The following KDELR2 variants were observed in gnomAD, a reference collection of about 807,000 sequenced individuals.
KDELR2 encodes the protein ER lumen protein-retaining receptor 2.
KDELR2 carries 15 observed loss-of-function variants against 23.9 expected under a neutral mutation model. The observed-to-expected ratio is 0.63, with a 90% CI of 0.42 to 0.97. The LOEUF is 0.97. Ranked by LOEUF, KDELR2 falls within the 50% of genes least tolerant of loss-of-function variation. The pLI, the probability that KDELR2 is intolerant of heterozygous loss-of-function variation, is 0.00. For missense variants in KDELR2, 272 were observed against 254.6 expected, an observed-to-expected ratio of 1.07 and a Z score of -0.46; for synonymous variants, 119 against 106.2, an observed-to-expected ratio of 1.12 and a Z score of -0.74.
chr7:6,481,166 C>A (rs766256906), intron 1 of KDELR2, among the ~76,000 whole-genome samples: 1 of 152,054 alleles, frequency 6.6e-6, no homozygotes, highest in East Asian at 1.9e-4. Context: ...GTCAGGAGAC[C>A]GAGACCAGCC....
intron 1 of KDELR2, among the ~76,000 whole-genome samples, chr7:6,477,417 T>C (rs1409317064): frequency 6.6e-6 from 1 of 152,196 alleles, no homozygotes; most frequent in Non-Finnish European, 1.5e-5. Flanking sequence ...GGGAGTAGAA[T>C]ACCTGCTATT....
In KDELR2 at chr7:6,461,799, A is replaced by T. The variant is rs888012748; in HGVS notation, c.*1342T>A. The T allele has an allele frequency of 2.0e-5, 3 of 152,080 alleles. No individual in the cohort carries two copies. Among genetic ancestry groups the T allele is most frequent in the Non-Finnish European group, 4.4e-5 (3 of 68,034 alleles). The allele number at this position is 152,080 out of a possible 1,614,324, so 9.4% of individuals were successfully genotyped here. A position where few individuals can be genotyped will look rare whatever the true frequency, so the allele number is the denominator to read the frequency against. On this transcript the variant is annotated 3_prime_UTR_variant, in exon 5 of 5. Transcript: ENST00000258739. The stretch of plus-strand genomic sequence containing the variant: ...TTTAATATTTATGGTGTATCACATA[A>T]AAAACAAAGTCATATACTTTTGCAT...
At chr7:6,482,874 G>A (rs1424429745) in intron 1 of KDELR2, among the ~76,000 whole-genome samples, 1 of 150,672 alleles carries the variant, frequency 6.6e-6, no homozygotes, top group East Asian at 1.9e-4. Flanking sequence ...GCATGGTGGT[G>A]CACGCATGGA....
chr7:6,482,549 C>A (rs778210734), intron 1 of KDELR2: 19 of 470,568 alleles, frequency 4.0e-5, no homozygotes, highest in African/African-American at 3.8e-4. Flanking sequence ...GTTTTGCTTA[C>A]TTCCCGGATC....
chr7:6,469,646 G>A lies in KDELR2; in HGVS notation c.301C>T (p.Pro101Ser), dbSNP rs1009810064. 3.1e-6 allele frequency: 5 copies of A among 1,613,922 alleles called. No homozygotes were observed. Among genetic ancestry groups the A allele is most frequent in the Non-Finnish European group, 4.2e-6 (5 of 1,179,962 alleles). Reference protein sequence around the residue: ...DTFRVEFLVVPVGGLSFLVNH... With the variant: ...DTFRVEFLVVSVGGLSFLVNH... Reference sequence around the variant, plus strand: ...ACTAAAAATGAGAGGCCTCCCACAGGGACCACCAGAAACTCCACTCGGAAG... The same window carrying A: ...ACTAAAAATGAGAGGCCTCCCACAGAGACCACCAGAAACTCCACTCGGAAG... Residue 101 changes from proline (P) to serine (S), a missense_variant, in exon 3 of 5, where the codon CCT becomes TCT. Pro to Ser is a moderately conservative substitution (Grantham distance 74). Transcript: ENST00000258739.
chr7:6,471,553 C>T (rs936221351), intron 2 of KDELR2, among the ~76,000 whole-genome samples: 6 of 152,142 alleles, frequency 3.9e-5, no homozygotes, highest in Non-Finnish European at 2.9e-5. Flanking sequence ...TTAACTCTTA[C>T]TCATGTCAAT....
At chr7:6,479,231 C>T (rs946787702) in intron 1 of KDELR2, among the ~76,000 whole-genome samples, 6 of 152,180 alleles carry the variant, frequency 3.9e-5, no homozygotes, top group Admixed American at 6.5e-5. Context: ...GATCACGGCT[C>T]GCTGCAACCT....
intron 3 of KDELR2, among the ~76,000 whole-genome samples, chr7:6,469,211 C>CA: frequency 6.6e-6 from 1 of 152,064 alleles, no homozygotes; most frequent in East Asian, 1.9e-4. Flanking sequence ...CTTGGCCTCC[C>CA]AAAGTGCTGG....
intron 1 of KDELR2, among the ~76,000 whole-genome samples, chr7:6,474,760 C>T (rs1785720439): frequency 6.6e-6 from 1 of 152,166 alleles, no homozygotes; most frequent in Non-Finnish European, 1.5e-5. Context: ...ACCTCCTGGG[C>T]TTCAGCAATC....
At chr7:6,470,522 T>C (rs1785608332) in intron 2 of KDELR2, 1 of 152,152 alleles carries the variant, frequency 6.6e-6, no homozygotes, top group South Asian at 2.1e-4. Flanking sequence ...GACCCTGAAA[T>C]GAAGTAAGTG....
chr7:6,482,151 C>T (rs2115336133), intron 1 of KDELR2, among the ~76,000 whole-genome samples: 1 of 152,232 alleles, frequency 6.6e-6, no homozygotes, highest in Middle Eastern at 3.4e-3. Flanking sequence ...TACAGGCATG[C>T]ACCACCACGC....
rs375982460 is a variant in KDELR2 at position 6,466,057 on chromosome 7, C to G, written c.604+14G>C. The stretch of plus-strand genomic sequence containing the variant: ...ACGTCACTCTAGAAACAACGCAGGT[C>G]GCACCCAACATACCTTTTGTAATGT... On this transcript the variant is annotated intron_variant, in intron 4 of 4. Transcript: ENST00000258739. 3.1e-6 allele frequency: 5 copies of G among 1,612,044 alleles called. No homozygotes were observed. Among genetic ancestry groups the G allele is most frequent in the Non-Finnish European group, 4.2e-6 (5 of 1,178,754 alleles).
intron 1 of KDELR2, among the ~76,000 whole-genome samples, chr7:6,477,748 C>T (rs1156327675): frequency 6.6e-6 from 1 of 152,164 alleles, no homozygotes; most frequent in Non-Finnish European, 1.5e-5. Context: ...GCCTTGACCT[C>T]CTAGGCTCAA....
intron 3 of KDELR2, among the ~76,000 whole-genome samples, chr7:6,467,853 T>C (rs1217394466): frequency 1.3e-5 from 2 of 152,158 alleles, no homozygotes; most frequent in African/African-American, 4.8e-5. Context: ...GCAGCACCGT[T>C]TGCCTGTTCA....
chr7:6,463,271 G>A, intron 4 of KDELR2, 96 bp from the exon 5 acceptor site: 4 of 904,316 alleles, frequency 4.4e-6, no homozygotes, highest in Non-Finnish European at 3.5e-6. Context: ...CCACACACAA[G>A]ATTCTACATA....
intron 1 of KDELR2, among the ~76,000 whole-genome samples, chr7:6,483,168 T>A (rs1785942134): frequency 6.6e-6 from 1 of 152,092 alleles, no homozygotes; most frequent in African/African-American, 2.4e-5. Flanking sequence ...AGCTCACTGG[T>A]GACGTGGAGC....
intron 1 of KDELR2, among the ~76,000 whole-genome samples, chr7:6,475,896 C>T (rs965467653): frequency 8.5e-5 from 13 of 152,174 alleles, no homozygotes; most frequent in Non-Finnish European, 1.2e-4. Context: ...TCCTCTGGAA[C>T]GTGAAAAGCA....
intron 1 of KDELR2, chr7:6,482,378 T>C (rs1785919050): frequency 3.4e-6 from 1 of 293,130 alleles, no homozygotes; most frequent in Non-Finnish European, 7.3e-6. Context: ...AGCAAGTGCC[T>C]AAACATCACT....
chr7:6,483,716 C>A (rs923541992), intron 1 of KDELR2, among the ~76,000 whole-genome samples: 2 of 152,206 alleles, frequency 1.3e-5, no homozygotes, highest in African/African-American at 4.8e-5. Context: ...CAGCCGGGTG[C>A]GCTCCGACAG....
Sources: allele counts gnomAD v4.1 joint callset (sites outside exome capture counted in the v4.1 genomes callset), GRCh38; gene constraint gnomAD v4.1.1; transcripts MANE v1.5; gene names NCBI Gene and HGNC (gene_info 2026-07-23, HGNC 2026-07-21).